The following PRKDC variants were observed in gnomAD, a reference collection of about 807,000 sequenced individuals.
PRKDC encodes the protein DNA-dependent protein kinase catalytic subunit.
In PRKDC, 82 loss-of-function variants were observed where a neutral mutation model predicts 486.9. The observed-to-expected ratio is 0.17, with a 90% confidence interval of 0.14 to 0.20. The LOEUF is 0.20. Among genes scored for constraint, PRKDC ranks in the 10% least tolerant of loss-of-function variants. The pLI is 1.00. For missense variants in PRKDC, 4,504 were observed against 5,038.2 expected, an observed-to-expected ratio of 0.89 and a Z score of 3.21; for synonymous variants, 1,895 against 1,837.0, an observed-to-expected ratio of 1.03 and a Z score of -0.81.
At chr8:47,792,657 T>C (rs1010206349) in intron 74 of PRKDC, among the ~76,000 whole-genome samples, 1 of 152,180 alleles carries the variant, frequency 6.6e-6, no homozygotes, top group Non-Finnish European at 1.5e-5. Flanking sequence ...AAGTGATGGA[T>C]ACTCCACTTA....
At chr8:47,896,713 G>A (rs2089589743) in intron 30 of PRKDC, among the ~76,000 whole-genome samples, 1 of 151,812 alleles carries the variant, frequency 6.6e-6, no homozygotes, top group Admixed American at 6.6e-5. Flanking sequence ...TCTAACCTGA[G>A]GCACTCTCCA....
chr8:47,897,320 T>C (rs747350871), intron 29 of PRKDC, 26 bp from the exon 30 acceptor site: 1 of 1,531,960 alleles, frequency 6.5e-7, no homozygotes, highest in East Asian at 2.3e-5. Context: ...ATACTGTCAT[T>C]AGTCCCTCTC....
rs541018829 is a variant in PRKDC at position 47,834,262 on chromosome 8, C to A, written c.8086G>T (p.Val2696Leu). 1.9e-6 allele frequency: 3 copies of A among 1,614,048 alleles called. No individual in the cohort carries two copies. Among genetic ancestry groups the A allele is most frequent in the Admixed American group, 1.7e-5 (1 of 60,032 alleles). The part of the protein sequence containing the change: ...ERLQRAPLKS[V>L]GPDFGKKRLG... ...CTTTTTTTCCCAAAATCAGGCCCCA[C>A]TGACTTCAAGGGTGCTCTCTGTAAC... The change falls in exon 59 of 86, where the codon GTG becomes TTG. Residue 2696 changes from valine (V) to leucine (L), a missense_variant. Val to Leu is a conservative substitution (Grantham distance 32). This residue lies in a region of PRKDC where 1,592 missense variants were observed against 1,724.6 expected (regional missense o/e 0.92). Transcript: ENST00000314191.
chr8:47,813,543 A>G (rs1485618087), intron 68 of PRKDC, among the ~76,000 whole-genome samples: 2 of 152,150 alleles, frequency 1.3e-5, no homozygotes, highest in Non-Finnish European at 2.9e-5. Flanking sequence ...CCTATCAAAT[A>G]TTCAAGTATG....
At chr8:47,806,153 C>T (rs1389887565) in intron 69 of PRKDC, among the ~76,000 whole-genome samples, 1 of 152,226 alleles carries the variant, frequency 6.6e-6, no homozygotes, top group African/African-American at 2.4e-5. Context: ...CTGCGCCCTC[C>T]AGGCTTTGCT....
At chr8:47,914,300 A>C (rs1046553362) in intron 23 of PRKDC, among the ~76,000 whole-genome samples, 10 of 152,202 alleles carry the variant, frequency 6.6e-5, no homozygotes, top group African/African-American at 2.4e-4. Context: ...CAAATGTTTA[A>C]TATCCAAATT....
intron 68 of PRKDC, among the ~76,000 whole-genome samples, chr8:47,812,287 T>C (rs1259179511): frequency 6.6e-6 from 1 of 152,200 alleles, no homozygotes; most frequent in African/African-American, 2.4e-5. Flanking sequence ...CTTGATCTCA[T>C]TGAAATTTAT....
intron 22 of PRKDC, 104 bp from the exon 23 acceptor site, chr8:47,915,522 T>G (rs2089970102): frequency 3.0e-6 from 2 of 663,896 alleles, no homozygotes; most frequent in African/African-American, 3.8e-5. Flanking sequence ...GTCCATTTCC[T>G]AGAACCGCAG....
chr8:47,793,473 C>T (rs1338139456), intron 74 of PRKDC, among the ~76,000 whole-genome samples: 3 of 151,384 alleles, frequency 2.0e-5, no homozygotes, highest in African/African-American at 7.3e-5. Context: ...AACCCTGTCG[C>T]TACTAAAAAT....
intron 58 of PRKDC, among the ~76,000 whole-genome samples, chr8:47,836,027 A>G (rs188326540): frequency 6.6e-6 from 1 of 152,296 alleles, no homozygotes; most frequent in East Asian, 1.9e-4. Context: ...CCCAGCTGGA[A>G]TAACAGGAAT....
intron 40 of PRKDC, among the ~76,000 whole-genome samples, chr8:47,874,868 A>G (rs142816282): frequency 9.2e-4 from 140 of 152,302 alleles, no homozygotes; most frequent in African/African-American, 3.3e-3. Context: ...CAGCCTGGGC[A>G]ATATGGCAAA....
At chr8:47,806,082 C>T (rs1316026563) in intron 69 of PRKDC, among the ~76,000 whole-genome samples, 1 of 152,184 alleles carries the variant, frequency 6.6e-6, no homozygotes, top group African/African-American at 2.4e-5. Flanking sequence ...TAAAGCCTAC[C>T]CTAAATCACA....
Position 47,778,543 on chromosome 8 carries a change from T to C in PRKDC, c.11769A>G (p.Arg3923=). ...TGGCCACCATAAAGTTGTTCAGATG[T>C]CTGTCTCCAATCCCGAGGATCCAGT... ...ISHWILGIGD[R]HLNNFMVAME... is the part of the protein sequence containing the mutation. The change falls in exon 83 of 86, where the codon AGA becomes AGG. Residue 3923 remains arginine (R), a synonymous_variant. Transcript: ENST00000314191. 1.2e-6 allele frequency: 2 copies of C among 1,613,876 alleles called. No individual in the cohort carries two copies. Among genetic ancestry groups the C allele is most frequent in the Non-Finnish European group, 1.7e-6 (2 of 1,179,830 alleles).
rs747337102 is a variant in PRKDC at position 47,897,238 on chromosome 8, G to T, written c.3521C>A (p.Ala1174Asp). Residue 1174 changes from alanine to aspartate, a missense_variant, in exon 30 of 86, where the codon GCT (alanine) becomes GAT (aspartate). Around this residue, in one of 6 missense-constraint regions of PRKDC, gnomAD observed 1,969 missense variants for 2,068.9 expected, o/e 0.95. Coordinates refer to ENST00000314191, the MANE Select transcript of PRKDC (RefSeq NM_006904.7). ...CLLDLVKWLL[A>D]HCGRPQTECR... is the part of the protein sequence containing the mutation. Reference sequence around the variant, plus strand: ...TTCTGTCTGGGGCCTCCCACAATGAGCTAAAAGCCACTTGACCAGATCCAA... The same window carrying T: ...TTCTGTCTGGGGCCTCCCACAATGATCTAAAAGCCACTTGACCAGATCCAA... 3 of 1,608,346 alleles carry T rather than the reference G, an allele frequency of 1.9e-6. No individual in the cohort carries two copies. The highest frequency in any genetic ancestry group is 2.6e-6 in the Non-Finnish European group (3 of 1,175,550).
At chr8:47,824,884 C>T (rs2087697851) in intron 63 of PRKDC, among the ~76,000 whole-genome samples, 1 of 152,220 alleles carries the variant, frequency 6.6e-6, no homozygotes, top group African/African-American at 2.4e-5. Context: ...GGACTGCTCC[C>T]TCCTTAGTTC....
chr8:47,859,508 A>G (rs1278707310), intron 46 of PRKDC, 103 bp downstream of exon 46: 1 of 1,336,608 alleles, frequency 7.5e-7, no homozygotes, highest in South Asian at 1.4e-5. Context: ...AGGGTTGTCA[A>G]TGGACAGAGA....
chr8:47,811,798 G>A (rs565621965), intron 68 of PRKDC, among the ~76,000 whole-genome samples: 95 of 152,236 alleles, frequency 6.2e-4, no homozygotes, highest in Admixed American at 2.2e-3. Context: ...CCAACATGGC[G>A]AAACCCTGTC....
At chr8:47,856,525 T>G (rs1391776347) in intron 49 of PRKDC, among the ~76,000 whole-genome samples, 1 of 152,172 alleles carries the variant, frequency 6.6e-6, no homozygotes, top group Non-Finnish European at 1.5e-5. Flanking sequence ...CCATCATGCC[T>G]AGCCCCGCAT....
rs1385573533 is a variant in PRKDC at position 47,773,673 on chromosome 8, T to C, written c.*500A>G. ...CATTTCTAAATATAAGCCATAATTA[T>C]AGCTTTACCTATTGTTCTTATTGTT... is the stretch of plus-strand genomic sequence containing the variant. On this transcript the variant is annotated 3_prime_UTR_variant, in exon 86 of 86. Transcript: ENST00000314191. 2.2e-5 allele frequency: 5 copies of C among 222,988 alleles called. No individual in the cohort carries two copies. The highest frequency in any genetic ancestry group is 4.5e-5 in the African/African-American group (2 of 44,822). The allele number at this position is 222,988 out of a possible 1,614,324, so 13.8% of individuals were successfully genotyped here.
Sources: allele counts gnomAD v4.1 joint callset (sites outside exome capture counted in the v4.1 genomes callset), GRCh38; gene constraint gnomAD v4.1.1; regional missense constraint gnomAD v4.1.1; transcripts MANE v1.5; gene names NCBI Gene and HGNC (gene_info 2026-07-23, HGNC 2026-07-21).